HDAC7: variants seen among roughly 807,000 people sequenced by gnomAD.
HDAC7 encodes the protein histone deacetylase 7, also known as histone deacetylase 7A.
Under a neutral mutation model 115.5 loss-of-function variants are expected in HDAC7, and 26 were observed. The ratio of observed to expected loss-of-function variants is 0.23; its 90% CI spans 0.16 to 0.31. The LOEUF is 0.31. Ranked by LOEUF, HDAC7 falls within the 10% of genes least tolerant of loss-of-function variation. HDAC7 has a pLI of 1.00. For missense variants in HDAC7, 1,068 were observed against 1,329.0 expected (o/e 0.80, Z 3.05); for synonymous variants, 564 against 550.9 (o/e 1.02, Z -0.33).
In HDAC7 at chr12:47,785,123, T is replaced by C. The variant is rs548631152; in HGVS notation, c.2791+264A>G. ...TCTTGACCTGGCCCTGGTCTAGGGCTGTCGCTAGAGATGGAGGCCAGTCCC... is the reference window on the plus strand; with the variant it reads ...TCTTGACCTGGCCCTGGTCTAGGGCCGTCGCTAGAGATGGAGGCCAGTCCC... On this transcript the variant is annotated intron_variant, in intron 24 of 25. Transcript: ENST00000080059. The C allele has an allele frequency of 1.2e-4, 67 of 559,252 alleles. No homozygotes were observed. The East Asian group carries it at 2.0e-3, about 17-fold the overall frequency. 34.6% of individuals were successfully genotyped at this position (559,252 alleles called of 1,614,324 possible).
chr12:47,806,335 C>T (rs544256914), intron 1 of HDAC7, among the ~76,000 whole-genome samples: 15 of 152,380 alleles, frequency 9.8e-5, no homozygotes, highest in Admixed American at 9.8e-4. Context: ...AAGCCAGAAA[C>T]ACAATTTAAC....
rs1429423643 is a variant in HDAC7, at chr12:47,803,422, AG to A, written c.20-1149del. The stretch of plus-strand genomic sequence containing the variant: ...TCCTGCAGGCAGGCGCTGCTGGGGG[AG>A]GGGGCAGCCTGGGCACAGGGAGACT... On this transcript the variant is annotated intron_variant, in intron 1 of 25. Transcript: ENST00000080059. The surrounding 1 kb of genome is among the most constrained non-coding windows in gnomAD (Gnocchi z 4.0). Among the ~76,000 whole-genome samples, 1 of 152,172 alleles carries A rather than the reference AG, an allele frequency of 6.6e-6. No individual in the cohort carries two copies. Among genetic ancestry groups the A allele is most frequent in the Non-Finnish European group, 1.5e-5 (1 of 67,974 alleles).
intron 1 of HDAC7, among the ~76,000 whole-genome samples, chr12:47,818,719 A>G (rs1944918415): frequency 6.6e-6 from 1 of 152,240 alleles, no homozygotes; most frequent in African/African-American, 2.4e-5. Context: ...GGCCTCAGGC[A>G]GATGTTGCCT....
chr12:47,819,516 G>A (rs1019113548), intron 1 of HDAC7, among the ~76,000 whole-genome samples: 7 of 152,046 alleles, frequency 4.6e-5, no homozygotes, highest in African/African-American at 1.2e-4. Context: ...GGGCGGATGT[G>A]GGCGCCCCGC....
chr12:47,788,286 G>C, intron 19 of HDAC7, 122 bp from the exon 20 acceptor site: 1 of 1,299,924 alleles, frequency 7.7e-7, no homozygotes, highest in Non-Finnish European at 1.0e-6. Context: ...TCAGGAACCT[G>C]GGGTTCCTAA....
intron 1 of HDAC7, among the ~76,000 whole-genome samples, chr12:47,807,518 T>C (rs1261225557): frequency 6.6e-6 from 1 of 152,020 alleles, no homozygotes; most frequent in African/African-American, 2.4e-5. Flanking sequence ...CCCAGGCAAT[T>C]GGGCTTCAGA....
intron 1 of HDAC7, among the ~76,000 whole-genome samples, chr12:47,806,175 G>T (rs1484041213): frequency 6.6e-6 from 1 of 152,246 alleles, no homozygotes; most frequent in Non-Finnish European, 1.5e-5. Flanking sequence ...ACCCAGCAGG[G>T]AGCTGAGAGT....
chr12:47,798,893 C>T lies in HDAC7; in HGVS notation c.150G>A (p.Val50=), dbSNP rs1383819029. ...GCAATGTGGGCTCTGGTGGGGGCTC[C>T]ACTGGGGGCCGCTGGCCCACCCGCA... ...MDLRVGQRPP[V]EPPPEPTLLA... The change falls in exon 3 of 26, where the codon GTG becomes GTA. Residue 50 remains valine, a synonymous_variant. Coordinates refer to ENST00000080059, the MANE Select transcript of HDAC7 (RefSeq NM_015401.5). This position sits in a 1 kb window ranked among gnomAD's most constrained non-coding sequence, Gnocchi z 4.3. 1.3e-6 allele frequency: 2 copies of T among 1,538,012 alleles called. No homozygotes were observed. The highest frequency in any genetic ancestry group is 1.7e-6 in the Non-Finnish European group (2 of 1,146,164).
In HDAC7 at chr12:47,798,709, G is replaced by T. The variant is rs1282494967; in HGVS notation, c.259-57C>A. ...CAAGGAGTTGAGGACTGAGACTGGT[G>T]TCTAGGGATGCTGAAGGCGGGGAGG... On this transcript the variant is annotated intron_variant, in intron 3 of 25. Coordinates refer to ENST00000080059, the MANE Select transcript of HDAC7 (RefSeq NM_015401.5). This position sits in a 1 kb window ranked among gnomAD's most constrained non-coding sequence, Gnocchi z 4.3. 6.4e-7 allele frequency: 1 copy of T among 1,573,820 alleles called. No homozygotes were observed. Among genetic ancestry groups the T allele is most frequent in the Admixed American group, 1.9e-5 (1 of 53,868 alleles).
intron 8 of HDAC7, 23 bp from the exon 9 acceptor site, chr12:47,796,039 G>T (rs1281342259): frequency 6.5e-7 from 1 of 1,546,952 alleles, no homozygotes; most frequent in Non-Finnish European, 8.7e-7. Context: ...GCAGGGCGAG[G>T]GTCACCGGTC....
intron 1 of HDAC7, among the ~76,000 whole-genome samples, chr12:47,808,564 C>G (rs576494804): frequency 3.3e-4 from 50 of 152,276 alleles, no homozygotes; most frequent in African/African-American, 1.2e-3. Context: ...GGGTCTGGCA[C>G]TCTCTGGAGA....
intron 1 of HDAC7, 158 bp from the exon 2 acceptor site, chr12:47,802,432 C>A: frequency 6.5e-7 from 1 of 1,548,038 alleles, no homozygotes; most frequent in Non-Finnish European, 8.7e-7. Flanking sequence ...CGAGAAGACC[C>A]CACCCCATTC....
intron 20 of HDAC7, 27 bp from the exon 21 acceptor site, chr12:47,787,836 T>A (rs529176703): frequency 6.3e-7 from 1 of 1,597,438 alleles, no homozygotes; most frequent in African/African-American, 1.3e-5. Context: ...AAGAGAGACA[T>A]GAGGACAGCA....
chr12:47,809,944 T>TGTTTG (rs1565584765), intron 1 of HDAC7, among the ~76,000 whole-genome samples: 1 of 151,926 alleles, frequency 6.6e-6, no homozygotes, highest in African/African-American at 2.4e-5. Context: ...TTTTTTTGTT[T>TGTTTG]GTTTGTTTTG....
chr12:47,807,825 G>T (rs546278195), intron 1 of HDAC7, among the ~76,000 whole-genome samples: 6 of 152,198 alleles, frequency 3.9e-5, no homozygotes, highest in Admixed American at 3.9e-4. Flanking sequence ...TGGAAACAGG[G>T]GGCTGGCAAT....
intron 11 of HDAC7, 45 bp from the exon 12 acceptor site, chr12:47,794,978 G>A (rs1366282955): frequency 5.7e-6 from 9 of 1,565,412 alleles, no homozygotes; most frequent in African/African-American, 1.3e-5. Flanking sequence ...TGGAGCGAGG[G>A]GCATGGGGTG....
intron 18 of HDAC7, 27 bp downstream of exon 18, chr12:47,789,496 C>G: frequency 1.9e-6 from 3 of 1,612,678 alleles, no homozygotes; most frequent in Non-Finnish European, 2.5e-6. Flanking sequence ...CCCACCTCAT[C>G]CCACCCAGGT....
At chr12:47,819,547 C>A (rs1447103605) in intron 1 of HDAC7, among the ~76,000 whole-genome samples, 1 of 151,818 alleles carries the variant, frequency 6.6e-6, no homozygotes, top group Non-Finnish European at 1.5e-5. Context: ...AGCCCTCCGG[C>A]CCCCGGAACC....
In HDAC7 at chr12:47,797,250, C is replaced by T. The variant is rs1177008328; in HGVS notation, c.578-108G>A. 4 of 1,563,102 alleles carry T rather than the reference C, an allele frequency of 2.6e-6. No individual in the cohort carries two copies. The African/African-American group carries it at 5.4e-5, about 21-fold the overall frequency. The stretch of plus-strand genomic sequence containing the variant: ...TCGGTCAAGGAAAGAGAAGGCAGAA[C>T]TAGAAAGAAGATCCTAGCCTACCGA... On this transcript the variant is annotated intron_variant, in intron 6 of 25. Transcript: ENST00000080059. The surrounding 1 kb of genome is among the most constrained non-coding windows in gnomAD (Gnocchi z 5.5).
Sources: allele counts gnomAD v4.1 joint callset (sites outside exome capture counted in the v4.1 genomes callset), GRCh38; gene constraint gnomAD v4.1.1; non-coding constraint Gnocchi (gnomAD v3.1); transcripts MANE v1.5; gene names NCBI Gene and HGNC (gene_info 2026-07-23, HGNC 2026-07-21).